Variants in DLGAP1 observed in about 807,000 individuals in gnomAD.
DLGAP1 encodes the protein DLG associated protein 1.
Under a neutral mutation model 90.8 loss-of-function variants are expected in DLGAP1, and 11 were observed. The observed-to-expected ratio is 0.12, with a 90% confidence interval of 0.08 to 0.20. The LOEUF (loss-of-function observed/expected upper bound fraction) is 0.20, where lower values mean the gene tolerates loss of function less well. Ranked by LOEUF, DLGAP1 falls within the 10% of genes least tolerant of loss-of-function variation. The probability of loss-of-function intolerance (pLI) is 1.00; values close to 1 mark genes in which losing one functional copy is unlikely to be tolerated. For synonymous variants in DLGAP1, 558 were observed against 540.7 expected (o/e 1.03, Z -0.44); for missense variants, 1,050 against 1,333.8 (o/e 0.79, Z 3.31).
chr18:3,881,742 T>A (rs2148831051), intron 3 of DLGAP1, among the ~76,000 whole-genome samples: 1 of 152,138 alleles, frequency 6.6e-6, no homozygotes, highest in East Asian at 1.9e-4. Context: ...TGAAACCCCG[T>A]CTCTTCTAAA....
intron 8 of DLGAP1, among the ~76,000 whole-genome samples, chr18:3,576,407 C>T (rs1310888031): frequency 6.6e-6 from 1 of 151,518 alleles, no homozygotes; most frequent in Non-Finnish European, 1.5e-5. Context: ...TACAGGTGCC[C>T]ACCACCATGC....
chr18:4,358,579 A>C (rs148328513), intron 1 of DLGAP1, among the ~76,000 whole-genome samples: 87 of 152,346 alleles, frequency 5.7e-4, no homozygotes, highest in African/African-American at 2.1e-3. Flanking sequence ...GGCATTAGAG[A>C]TATAACTGCA....
At chr18:3,788,959 GTT>G (rs1204747735) in intron 5 of DLGAP1, among the ~76,000 whole-genome samples, 1 of 152,298 alleles carries the variant, frequency 6.6e-6, no homozygotes, top group East Asian at 1.9e-4. Context: ...ACAGCTAATT[GTT>G]TCATTTTCAA....
At chr18:3,530,666 C>A (rs2051931859) in intron 10 of DLGAP1, among the ~76,000 whole-genome samples, 1 of 152,132 alleles carries the variant, frequency 6.6e-6, no homozygotes, top group Non-Finnish European at 1.5e-5. Flanking sequence ...GAAAACTACC[C>A]CTGCTCCCAC....
In DLGAP1 at chr18:3,814,146, C is replaced by A; in HGVS notation, c.1085G>T (p.Ser362Ile). The A allele has an allele frequency of 1.2e-6, 2 of 1,614,066 alleles. No homozygotes were observed. Among genetic ancestry groups the A allele is most frequent in the Non-Finnish European group, 1.7e-6 (2 of 1,180,010 alleles). ...AGCAACTTTTGGAGAAGGCTTAGGA[C>A]TCGTGTCTGAGTCTCCACTGTCTTC... ...GDEDSGDSDTSPKPSPKVAAR... is the reference protein window; with the variant it reads ...GDEDSGDSDTIPKPSPKVAAR... The change falls in exon 5 of 13, where the codon AGT becomes ATT. Residue 362 changes from serine (S) to isoleucine (I), a missense_variant. By Grantham distance (142) the Ser-to-Ile change is moderately radical. Transcript: ENST00000315677.
intron 2 of DLGAP1, among the ~76,000 whole-genome samples, chr18:4,106,384 T>C (rs1456049359): frequency 6.6e-6 from 1 of 152,210 alleles, no homozygotes; most frequent in Non-Finnish European, 1.5e-5. Flanking sequence ...TCAGCTGTCA[T>C]GCCCCCAGCC....
At chr18:4,230,488 G>A (rs1568462213) in intron 1 of DLGAP1, among the ~76,000 whole-genome samples, 1 of 152,134 alleles carries the variant, frequency 6.6e-6, no homozygotes, top group Non-Finnish European at 1.5e-5. Flanking sequence ...CAACAACATA[G>A]ATGGAACTGG....
At chr18:3,694,947 T>TG (rs1025854539) in intron 7 of DLGAP1, among the ~76,000 whole-genome samples, 39 of 141,148 alleles carry the variant, frequency 2.8e-4, no homozygotes, top group East Asian at 2.2e-3. Context: ...TTGTTTTTTT[T>TG]TTTTTTTTTT....
intron 3 of DLGAP1, among the ~76,000 whole-genome samples, chr18:3,959,669 A>AAAAGAAAGAAAGAAAG (rs35192992): frequency 6.7e-5 from 10 of 149,290 alleles, no homozygotes; most frequent in East Asian, 3.9e-4. Flanking sequence ...GTCTCAAAAA[A>AAAAGAAAGAAAGAAAG]AAAGAAAGAA....
intron 4 of DLGAP1, among the ~76,000 whole-genome samples, chr18:3,855,621 T>TAA (rs2069593421): frequency 6.6e-6 from 1 of 151,170 alleles, no homozygotes; most frequent in African/African-American, 2.4e-5. Context: ...ATTAATTAAT[T>TAA]TATTTATTTT....
intron 3 of DLGAP1, among the ~76,000 whole-genome samples, chr18:3,913,576 A>C (rs1169376361): frequency 1.3e-5 from 2 of 152,234 alleles, no homozygotes; most frequent in Admixed American, 1.3e-4. Context: ...CAGAGAGAAC[A>C]ATTACTTTTC....
intron 1 of DLGAP1, among the ~76,000 whole-genome samples, chr18:4,212,931 C>T (rs898598142): frequency 1.3e-5 from 2 of 152,074 alleles, no homozygotes; most frequent in African/African-American, 4.8e-5. Flanking sequence ...ATTCTGTCAT[C>T]TAAAGATGTA....
chr18:3,781,175 A>G (rs964657023), intron 5 of DLGAP1, among the ~76,000 whole-genome samples: 3 of 152,074 alleles, frequency 2.0e-5, no homozygotes, highest in African/African-American at 7.2e-5. Flanking sequence ...GAGATACCAG[A>G]CATATGATAT....
intron 2 of DLGAP1, among the ~76,000 whole-genome samples, chr18:4,047,365 T>C (rs1302007460): frequency 6.6e-6 from 1 of 152,242 alleles, no homozygotes; most frequent in Non-Finnish European, 1.5e-5. Flanking sequence ...AAATATTACT[T>C]GGGTAAATGT....
intron 7 of DLGAP1, among the ~76,000 whole-genome samples, chr18:3,667,611 G>A (rs768214863): frequency 6.6e-6 from 1 of 152,148 alleles, no homozygotes; most frequent in Non-Finnish European, 1.5e-5. Context: ...AAAACACAAA[G>A]AAATGCTCCA....
At chr18:3,664,210 A>C (rs573529910) in intron 7 of DLGAP1, among the ~76,000 whole-genome samples, 208 of 130,644 alleles carry the variant, frequency 1.6e-3, no homozygotes, top group Middle Eastern at 7.6e-3. Flanking sequence ...ACACACACAC[A>C]CACACACCCA....
chr18:3,824,047 C>T (rs973950755), intron 4 of DLGAP1, among the ~76,000 whole-genome samples: 5 of 151,388 alleles, frequency 3.3e-5, no homozygotes, highest in African/African-American at 1.2e-4. Context: ...AACTTAGAGC[C>T]CCTTTTTAGT....
In DLGAP1 at chr18:4,260,360, A is replaced by C. The variant is rs76113835; in HGVS notation, c.-266-109073T>G. ...TACAGTTACCTTACCATGCTGCTGG[A>C]AAGTCCCAACCTGCGGAAGTATAAG... On this transcript the variant is annotated intron_variant, in intron 1 of 12. Transcript: ENST00000315677. 1.2e-4 allele frequency among the ~76,000 whole-genome samples: 19 copies of C among 152,308 alleles called. No individual in the cohort carries two copies. In the East Asian group the frequency reaches 3.1e-3, roughly 25 times the overall value.
At chr18:4,158,349 G>A (rs2076790634) in intron 1 of DLGAP1, among the ~76,000 whole-genome samples, 1 of 152,172 alleles carries the variant, frequency 6.6e-6, no homozygotes, top group Non-Finnish European at 1.5e-5. Flanking sequence ...GGGAATGGCA[G>A]AAGGAAGGAC....
Sources: gnomAD v4.1 joint callset for allele counts (sites outside exome capture counted in the v4.1 genomes callset) on GRCh38, gnomAD v4.1.1 for gene constraint, MANE v1.5 for transcripts, NCBI Gene and HGNC (gene_info 2026-07-23, HGNC 2026-07-21) for gene names.